The following PAGE3 variants were observed in gnomAD, a reference collection of about 807,000 sequenced individuals.
The protein encoded by PAGE3 is P antigen family member 3.
Under a neutral mutation model 3.8 loss-of-function variants are expected in PAGE3, and 9 were observed. That is an observed-to-expected ratio of 2.36 (90% CI 1.42 to 4.12). The LOEUF is 4.12. Ranked by LOEUF, PAGE3 falls within the 30% of genes most tolerant of loss-of-function variation. The pLI is 0.00. For synonymous variants in PAGE3, 24 were observed against 13.1 expected (o/e 1.83, Z -1.79); for missense variants, 73 against 37.8 (o/e 1.93, Z -2.44).
intron 3 of PAGE3, among the ~76,000 whole-genome samples, chrX:55,261,493 T>A (rs1938289241): frequency 8.9e-6 from 1 of 111,816 alleles, no homozygotes; most frequent in African/African-American, 3.2e-5. Flanking sequence ...TCTGTAAATT[T>A]TATATTTTTA....
In PAGE3 at chrX:55,264,625, C is replaced by A. The variant is rs1267859539; in HGVS notation, c.-88G>T. 2 of 111,977 alleles carry A rather than the reference C, an allele frequency of 1.8e-5. No homozygotes were observed. Among genetic ancestry groups the A allele is most frequent in the Non-Finnish European group, 3.8e-5 (2 of 53,213 alleles). The allele number at this position is 111,977 out of a possible 1,213,427, so 9.2% of individuals were successfully genotyped here. ...GGTCCACCTTCCTCCGTCGTCCTGG[C>A]CCAGAAACGACGACAAAGGCCCATG... On this transcript the variant is annotated 5_prime_UTR_variant, in exon 1 of 5. Transcript: ENST00000374951.
chrX:55,258,740 G>A (rs984010264), intron 4 of PAGE3, among the ~76,000 whole-genome samples: 9 of 110,633 alleles, frequency 8.1e-5, no homozygotes, highest in African/African-American at 2.0e-4. Context: ...TTTTTCTAGT[G>A]TATAAGAAAG....
intron 3 of PAGE3, among the ~76,000 whole-genome samples, chrX:55,262,358 C>T (rs977343801): frequency 1.8e-4 from 20 of 111,415 alleles, no homozygotes; most frequent in East Asian, 8.4e-4. Context: ...ATTAACTAAA[C>T]TTTCCATACA....
At chrX:55,263,105 C>T (rs1017702832) in intron 3 of PAGE3, 146 bp downstream of exon 3, 3 of 411,203 alleles carry the variant, frequency 7.3e-6, no homozygotes, top group East Asian at 4.2e-5. Flanking sequence ...GTAAACTATG[C>T]CTTCTTCACT....
chrX:55,260,664 A>C lies in PAGE3; in HGVS notation c.194-5T>G. On this transcript the variant is annotated splice_polypyrimidine_tract_variant and splice_region_variant and intron_variant, in intron 3 of 4. Transcript: ENST00000374951. ...GATAGGCTGCCAGGCCTAGCACTTA[A>C]AAATAAAAAACATTACCAATTTAAG... 1 of 532,452 alleles carries C rather than the reference A, an allele frequency of 1.9e-6. No homozygotes were observed. The allele number at this position is 532,452 out of a possible 1,213,427, so 43.9% of individuals were successfully genotyped here.
chrX:55,258,950 G>C (rs1279479372), intron 4 of PAGE3, among the ~76,000 whole-genome samples: 1 of 111,782 alleles, frequency 8.9e-6, no homozygotes, highest in Non-Finnish European at 1.9e-5. Context: ...ATTTGAAAGT[G>C]CTTAAGTGGC....
chrX:55,263,775 A>T, intron 2 of PAGE3, 45 bp downstream of exon 2: 1 of 538,889 alleles, frequency 1.9e-6, no homozygotes, highest in Non-Finnish European at 3.4e-6. Flanking sequence ...ACATTTTCAC[A>T]AAAATAAGTT....
At chrX:55,263,601 CAGG>C (rs1281325029) in intron 2 of PAGE3, among the ~76,000 whole-genome samples, 1 of 111,207 alleles carries the variant, frequency 9.0e-6, no homozygotes, top group African/African-American at 3.3e-5. Flanking sequence ...TATGAATAAG[CAGG>C]AGAAGGAAGC....
chrX:55,262,689 A>T lies in PAGE3; in HGVS notation c.193+562T>A, dbSNP rs192269703. Among the ~76,000 whole-genome samples, 388 of 71,938 alleles carry T rather than the reference A, an allele frequency of 5.4e-3. 2 individuals are homozygous for T. Among genetic ancestry groups the T allele is most frequent in the African/African-American group, 0.016 (354 of 21,619 alleles). The allele number at this position is 71,938 out of a possible 115,157, so 62.5% of individuals were successfully genotyped here. Reference sequence around the variant, plus strand: ...ATTTCTATGCAAGCTCATTTAATCCAAGGTGTTACATATGATATATATATA... The same window carrying T: ...ATTTCTATGCAAGCTCATTTAATCCTAGGTGTTACATATGATATATATATA... On this transcript the variant is annotated intron_variant, in intron 3 of 4. Transcript: ENST00000374951.
chrX:55,259,799 T>A (rs922264372), intron 4 of PAGE3, among the ~76,000 whole-genome samples: 1 of 111,157 alleles, frequency 9.0e-6, no homozygotes, highest in Non-Finnish European at 1.9e-5. Context: ...TTTATATTTT[T>A]ATTTTTTAAT....
rs376952298 is a variant in PAGE3, at chrX:55,258,472, A to G, written c.*34T>C. 3 of 554,852 alleles carry G rather than the reference A, an allele frequency of 5.4e-6. No homozygotes were observed. The highest frequency in any genetic ancestry group is 9.9e-6 in the Non-Finnish European group (3 of 303,914). The allele number at this position is 554,852 out of a possible 1,213,427, so 45.7% of individuals were successfully genotyped here. ...ATTTTACTGGTGAAGTTTCCAACATAAAGACTGCATGTATGGTTTCAGCTT... is the reference window on the plus strand; with the variant it reads ...ATTTTACTGGTGAAGTTTCCAACATGAAGACTGCATGTATGGTTTCAGCTT... On this transcript the variant is annotated 3_prime_UTR_variant, in exon 5 of 5. Transcript: ENST00000374951.
chrX:55,261,228 C>T (rs1357121169), intron 3 of PAGE3, among the ~76,000 whole-genome samples: 2 of 111,207 alleles, frequency 1.8e-5, no homozygotes, highest in African/African-American at 3.3e-5. Context: ...ATATGTAATG[C>T]ATGATCCTGG....
At chrX:55,263,206 T>C in intron 3 of PAGE3, 45 bp downstream of exon 3, 1 of 546,977 alleles carries the variant, frequency 1.8e-6, no homozygotes, top group Non-Finnish European at 3.4e-6. Context: ...GATATATACA[T>C]ACACCCCCTC....
chrX:55,260,781 G>A (rs1938276984), intron 3 of PAGE3, 122 bp from the exon 4 acceptor site: 5 of 355,383 alleles, frequency 1.4e-5, no homozygotes, highest in Admixed American at 5.2e-5. Context: ...GGTAATACAC[G>A]CAATGCATAA....
At chrX:55,264,261 T>C (rs1283231533) in intron 1 of PAGE3, among the ~76,000 whole-genome samples, 1 of 110,036 alleles carries the variant, frequency 9.1e-6, no homozygotes, top group Non-Finnish European at 1.9e-5. Context: ...ACTCAGCCCA[T>C]TTACCCCCTA....
intron 3 of PAGE3, among the ~76,000 whole-genome samples, chrX:55,262,829 C>CAT (rs1458155889): frequency 1.9e-5 from 2 of 103,863 alleles, no homozygotes; most frequent in African/African-American, 3.5e-5. Flanking sequence ...GATATATATA[C>CAT]ATATATATAA....
chrX:55,262,873 C>A (rs1938315030), intron 3 of PAGE3, among the ~76,000 whole-genome samples: 1 of 106,432 alleles, frequency 9.4e-6, no homozygotes, highest in South Asian at 4.1e-4. Context: ...ATGTATAATG[C>A]CTTAGCACTC....
At chrX:55,262,506 T>C in intron 3 of PAGE3, among the ~76,000 whole-genome samples, 1 of 110,230 alleles carries the variant, frequency 9.1e-6, no homozygotes, top group East Asian at 2.8e-4. Context: ...TATTAAACAG[T>C]TTAAGCAAAA....
chrX:55,260,606 C>A lies in PAGE3; in HGVS notation c.247G>T (p.Glu83Ter). 1.8e-6 allele frequency: 1 copy of A among 565,349 alleles called. No individual in the cohort carries two copies. Among genetic ancestry groups the A allele is most frequent in the South Asian group, 2.3e-5 (1 of 43,842 alleles). The allele number at this position is 565,349 out of a possible 1,213,427, so 46.6% of individuals were successfully genotyped here. A position where few individuals can be genotyped will look rare whatever the true frequency, so the allele number is the denominator to read the frequency against. ...TTGACATTAGGACCATCTCCACGTT[C>A]ACCCCCAGTCTTTGACCGAGTCAGT... Reference protein sequence around the residue: ...WELTRSKTGGERGDGPNVKGE... With the variant: ...WELTRSKTGG Residue 83 changes from glutamate (E) to a stop codon, truncating the protein, a stop_gained, in exon 4 of 5, where the codon GAA (glutamate) becomes TAA (stop). Coordinates refer to ENST00000374951, the MANE Select transcript of PAGE3 (RefSeq NM_001017931.3). LOFTEE classifies it high-confidence loss of function.
Sources: gnomAD v4.1 joint callset for allele counts (sites outside exome capture counted in the v4.1 genomes callset) on GRCh38, gnomAD v4.1.1 for gene constraint, MANE v1.5 for transcripts, NCBI Gene and HGNC (gene_info 2026-07-23, HGNC 2026-07-21) for gene names.